Variants in MCC observed in about 807,000 individuals in gnomAD.
MCC encodes the protein colorectal mutant cancer protein.
A neutral mutation model predicts 116.2 loss-of-function variants in MCC; 90 were observed. The observed-to-expected ratio is 0.77, with a 90% CI of 0.65 to 0.92. The LOEUF is 0.92. Ranked by LOEUF, MCC falls within the 40% of genes least tolerant of loss-of-function variation. The pLI is 0.00. For missense variants in MCC, 1,516 were observed against 1,312.2 expected, an observed-to-expected ratio of 1.16 and a Z score of -2.40; for synonymous variants, 578 against 510.5, an observed-to-expected ratio of 1.13 and a Z score of -1.78.
intron 3 of MCC, among the ~76,000 whole-genome samples, chr5:113,190,187 C>T (rs1169826029): frequency 1.3e-5 from 2 of 152,194 alleles, no homozygotes; most frequent in Admixed American, 6.5e-5. Context: ...AAGTCCATAG[C>T]TAATAGGTCA....
chr5:113,443,768 C>T (rs991198270), intron 1 of MCC, among the ~76,000 whole-genome samples: 2 of 152,024 alleles, frequency 1.3e-5, no homozygotes, highest in African/African-American at 4.8e-5. Flanking sequence ...TGGTTTTTGT[C>T]ATTGGTTGTG....
intron 3 of MCC, among the ~76,000 whole-genome samples, chr5:113,310,890 C>T (rs759428791): frequency 2.0e-5 from 3 of 152,064 alleles, no homozygotes; most frequent in Admixed American, 6.5e-5. Context: ...ATATTCCATC[C>T]TTCCTTCATT....
In MCC at chr5:113,024,544, G is replaced by C. The variant is rs1401381441; in HGVS notation, c.*2758C>G. On this transcript the variant is annotated 3_prime_UTR_variant, in exon 19 of 19. Coordinates refer to ENST00000408903, the MANE Select transcript of MCC (RefSeq NM_001085377.2). ...AAAGACTGAATTCTGAACAGAGATG[G>C]TTACTGACTAAAAGGGGGTAACCAC... The C allele has an allele frequency of 6.6e-6, 1 of 152,210 alleles. No homozygotes were observed. The highest frequency in any genetic ancestry group is 1.5e-5 in the Non-Finnish European group (1 of 68,020). The allele number at this position is 152,210 out of a possible 1,614,324, so 9.4% of individuals were successfully genotyped here.
intron 16 of MCC, among the ~76,000 whole-genome samples, chr5:113,045,491 A>G (rs1403941947): frequency 6.6e-6 from 1 of 152,186 alleles, no homozygotes; most frequent in Non-Finnish European, 1.5e-5. Flanking sequence ...TTTAAATGTC[A>G]GCATCCATAC....
intron 2 of MCC, among the ~76,000 whole-genome samples, chr5:113,374,001 A>G (rs962186171): frequency 6.6e-6 from 1 of 152,028 alleles, no homozygotes; most frequent in South Asian, 2.1e-4. Context: ...GGTTCAAGCA[A>G]TCCTTCCACT....
chr5:113,039,722 C>T (rs865968417), intron 17 of MCC, among the ~76,000 whole-genome samples: 4 of 127,158 alleles, frequency 3.1e-5, no homozygotes, highest in African/African-American at 5.9e-5. Flanking sequence ...CCCCCCCCCC[C>T]AACCCACCCC....
chr5:113,124,427 C>T (rs1382449281), intron 5 of MCC, among the ~76,000 whole-genome samples: 4 of 152,148 alleles, frequency 2.6e-5, no homozygotes, highest in Admixed American at 6.6e-5. Context: ...GCATGGCCAA[C>T]GTAATCAGCT....
chr5:113,151,204 G>C (rs1293817729), intron 4 of MCC, 105 bp downstream of exon 4: 2 of 686,310 alleles, frequency 2.9e-6, no homozygotes, highest in Non-Finnish European at 5.1e-6. Flanking sequence ...TGCTGATAAA[G>C]CTGTAATTTG....
At chr5:113,143,494 A>G in intron 4 of MCC, 134 bp from the exon 5 acceptor site, 1 of 898,790 alleles carries the variant, frequency 1.1e-6, no homozygotes, top group Non-Finnish European at 1.7e-6. Context: ...ATGTCAGCTC[A>G]TCGGCTGGCA....
chr5:113,455,026 A>G (rs1166315068), intron 1 of MCC, among the ~76,000 whole-genome samples: 1 of 152,126 alleles, frequency 6.6e-6, no homozygotes, highest in East Asian at 1.9e-4. Flanking sequence ...GCTCTCCCCC[A>G]GGACACACCA....
At chr5:113,142,507 A>C (rs1294657675) in intron 5 of MCC, among the ~76,000 whole-genome samples, 2 of 151,914 alleles carry the variant, frequency 1.3e-5, no homozygotes, top group African/African-American at 2.4e-5. Context: ...AATCCCTACC[A>C]GTTATTGTTA....
chr5:113,472,872 G>C (rs1772130812), intron 1 of MCC, among the ~76,000 whole-genome samples: 1 of 152,152 alleles, frequency 6.6e-6, no homozygotes, highest in Admixed American at 6.6e-5. Flanking sequence ...AAATCAAAAT[G>C]CTATTTGGGA....
intron 3 of MCC, among the ~76,000 whole-genome samples, chr5:113,197,215 T>G (rs1762455770): frequency 6.6e-6 from 1 of 152,154 alleles, no homozygotes; most frequent in African/African-American, 2.4e-5. Flanking sequence ...GAGATATAAT[T>G]ACAATTCAAA....
intron 3 of MCC, among the ~76,000 whole-genome samples, chr5:113,276,780 C>T (rs1412033429): frequency 6.6e-6 from 1 of 151,088 alleles, no homozygotes; most frequent in Non-Finnish European, 1.5e-5. Context: ...GTACTCGTCA[C>T]CACACCCAAC....
At chr5:113,375,687 G>A (rs1252898247) in intron 2 of MCC, among the ~76,000 whole-genome samples, 1 of 152,158 alleles carries the variant, frequency 6.6e-6, no homozygotes, top group African/African-American at 2.4e-5. Context: ...GCCTCCCTGT[G>A]TGGTCTTTCA....
chr5:113,225,811 G>T (rs1436236359), intron 3 of MCC, among the ~76,000 whole-genome samples: 1 of 152,212 alleles, frequency 6.6e-6, no homozygotes, highest in Admixed American at 6.5e-5. Flanking sequence ...TACATCTGAT[G>T]TCTTGACTTT....
intron 4 of MCC, 151 bp from the exon 5 acceptor site, chr5:113,143,511 G>T: frequency 1.3e-6 from 1 of 788,916 alleles, no homozygotes; most frequent in Non-Finnish European, 2.0e-6. Flanking sequence ...GGCAATCCCA[G>T]GAAACATATC....
At chr5:113,202,878 T>C (rs1762746381) in intron 3 of MCC, among the ~76,000 whole-genome samples, 1 of 152,016 alleles carries the variant, frequency 6.6e-6, no homozygotes, top group African/African-American at 2.4e-5. Context: ...ACTTGACATA[T>C]TCTCAACCCT....
At chr5:113,223,797 G>A (rs1763637789) in intron 3 of MCC, among the ~76,000 whole-genome samples, 1 of 152,144 alleles carries the variant, frequency 6.6e-6, no homozygotes, top group Admixed American at 6.5e-5. Flanking sequence ...GTTTGTTTCT[G>A]TTACCTGGCT....
Sources: allele counts gnomAD v4.1 joint callset (sites outside exome capture counted in the v4.1 genomes callset), GRCh38; gene constraint gnomAD v4.1.1; transcripts MANE v1.5; gene names NCBI Gene and HGNC (gene_info 2026-07-23, HGNC 2026-07-21).